IL15RA: variants seen among roughly 807,000 people sequenced by gnomAD.
IL15RA encodes the protein interleukin-15 receptor subunit alpha.
In IL15RA, 26 loss-of-function variants were observed where a neutral mutation model predicts 24.2. The observed-to-expected ratio is 1.07, with a 90% confidence interval of 0.79 to 1.49. The LOEUF (loss-of-function observed/expected upper bound fraction) is 1.49. IL15RA is among the 40% of genes most tolerant of loss of function. IL15RA has a pLI of 0.00. For missense variants in IL15RA, 354 were observed against 356.4 expected (o/e 0.99, Z 0.05); for synonymous variants, 166 against 157.6 (o/e 1.05, Z -0.40).
In IL15RA at chr10:5,965,916, T is replaced by C. The variant is rs1223498218; in HGVS notation, c.283+229A>G. Among the ~76,000 whole-genome samples the C allele has an allele frequency of 6.6e-6, 1 of 152,166 alleles. No homozygotes were observed. Among genetic ancestry groups the C allele is most frequent in the Non-Finnish European group, 1.5e-5 (1 of 68,034 alleles). ...TTGTATTTTTAGTAGAAACGGGGTT[T>C]CACCATGTTGGCCGGGCTGATCTGG... On this transcript the variant is annotated intron_variant, in intron 2 of 6. Coordinates refer to ENST00000379977, the MANE Select transcript of IL15RA (RefSeq NM_002189.4). This position sits in a 1 kb window ranked among gnomAD's most constrained non-coding sequence, Gnocchi z 5.8.
Position 5,965,081 on chromosome 10 carries a change from G to A in IL15RA, c.283+1064C>T, listed in dbSNP as rs568339297. 6.6e-5 allele frequency among the ~76,000 whole-genome samples: 10 copies of A among 152,308 alleles called. No individual in the cohort carries two copies. The highest frequency in any genetic ancestry group is 2.6e-4 in the Admixed American group (4 of 15,302). On this transcript the variant is annotated intron_variant, in intron 2 of 6. Transcript: ENST00000379977. The surrounding 1 kb of genome is among the most constrained non-coding windows in gnomAD (Gnocchi z 5.8). ...TGAGCTATGGGGCCGCTCCATGCAG[G>A]GGCGCGCTCATCCCTGCCCCAGAGA...
At chr10:5,950,325 G>A (rs375118703), downstream of IL15RA, among the ~76,000 whole-genome samples, 9 of 152,150 alleles carry the variant, frequency 5.9e-5, no homozygotes, top group South Asian at 1.2e-3. The surrounding 1 kb of genome is among the most constrained non-coding windows in gnomAD (Gnocchi z 5.6). Flanking sequence ...GTTGTTACAC[G>A]GGTATATTGT....
Position 5,965,482 on chromosome 10 carries a change from T to C in IL15RA, c.283+663A>G, listed in dbSNP as rs1474467618. ...CCAGCATCGTCTCAAATCAAAGCAC[T>C]ACATGTAATAAGAGTTAATATTTAC... On this transcript the variant is annotated intron_variant, in intron 2 of 6. Transcript: ENST00000379977. This position sits in a 1 kb window ranked among gnomAD's most constrained non-coding sequence, Gnocchi z 5.8. Among the ~76,000 whole-genome samples, 1 of 152,234 alleles carries C rather than the reference T, an allele frequency of 6.6e-6. No individual in the cohort carries two copies. Among genetic ancestry groups the C allele is most frequent in the East Asian group, 1.9e-4 (1 of 5,188 alleles).
chr10:5,963,942 C>T lies in IL15RA; in HGVS notation c.284-101G>A, dbSNP rs563353475. On this transcript the variant is annotated intron_variant, in intron 2 of 6. Transcript: ENST00000379977. This position sits in a 1 kb window ranked among gnomAD's most constrained non-coding sequence, Gnocchi z 5.3. ...TAAAATATATCAACACATGAACTTA[C>T]AGTGGAGGCCTCTGGCTTCCTCAGA... 1.4e-5 allele frequency: 10 copies of T among 695,346 alleles called. No homozygotes were observed. The highest frequency in any genetic ancestry group is 9.6e-5 in the African/African-American group (5 of 52,010). 43.1% of individuals were successfully genotyped at this position (695,346 alleles called of 1,614,324 possible). A position where few individuals can be genotyped will look rare whatever the true frequency, so the allele number is the denominator to read the frequency against.
chr10:5,977,622 C>A, upstream of IL15RA: 1 of 1,262,756 alleles, frequency 7.9e-7, no homozygotes. Context: ...GCTTTGGCCC[C>A]CGAGGGCTCG....
chr10:5,960,524 T>A lies in IL15RA; in HGVS notation c.426A>T (p.Thr142=). The change falls in exon 4 of 7, where the codon ACA becomes ACT. Residue 142 remains threonine, a synonymous_variant. Coordinates refer to ENST00000379977, the MANE Select transcript of IL15RA (RefSeq NM_002189.4). This position sits in a 1 kb window ranked among gnomAD's most constrained non-coding sequence, Gnocchi z 5.1. ...GGGAGCCCGGGACAATAGCTGCTGTTGTGGCCGCTGTGTTGTTTGAGCTGG... is the reference window on the plus strand; with the variant it reads ...GGGAGCCCGGGACAATAGCTGCTGTAGTGGCCGCTGTGTTGTTTGAGCTGG... ...SSPSSNNTAA[T]TAAIVPGSQL... 5 of 1,614,184 alleles carry A rather than the reference T, an allele frequency of 3.1e-6. No individual in the cohort carries two copies. Among genetic ancestry groups the A allele is most frequent in the Non-Finnish European group, 4.2e-6 (5 of 1,180,026 alleles).
Position 5,963,623 on chromosome 10 carries a change from C to T in IL15RA, c.382+120G>A, listed in dbSNP as rs181664110. On this transcript the variant is annotated intron_variant, in intron 3 of 6. Transcript: ENST00000379977. This position sits in a 1 kb window ranked among gnomAD's most constrained non-coding sequence, Gnocchi z 5.3. ...TATTCTTGATTGAATAAGACGTTTG[C>T]GCTATTGCCTAAGTCTGCAGTGGCA... is the stretch of plus-strand genomic sequence containing the variant. The T allele has an allele frequency of 4.3e-4, 226 of 529,512 alleles. 2 individuals carry two copies. Among genetic ancestry groups the T allele is most frequent in the East Asian group, 4.0e-3 (114 of 28,510 alleles). 32.8% of individuals were successfully genotyped at this position (529,512 alleles called of 1,614,324 possible).
At chr10:5,977,179 G>A (rs1051174090) in intron 1 of IL15RA, 4 of 346,142 alleles carry the variant, frequency 1.2e-5, no homozygotes, top group Non-Finnish European at 1.6e-5. Flanking sequence ...TTACGTGGGT[G>A]ACCCGGGCGC....
At position 5,965,909 on chromosome 10, in the gene IL15RA, C is replaced by T. The variant is rs936831873; in HGVS notation, c.283+236G>A. On this transcript the variant is annotated intron_variant, in intron 2 of 6. Transcript: ENST00000379977. The surrounding 1 kb of genome is among the most constrained non-coding windows in gnomAD (Gnocchi z 5.8). ...CTACTTTTTGTATTTTTAGTAGAAACGGGGTTTCACCATGTTGGCCGGGCT... is the reference window on the plus strand; with the variant it reads ...CTACTTTTTGTATTTTTAGTAGAAATGGGGTTTCACCATGTTGGCCGGGCT... Among the ~76,000 whole-genome samples, 2 of 152,182 alleles carry T rather than the reference C, an allele frequency of 1.3e-5. No individual in the cohort carries two copies. The highest frequency in any genetic ancestry group is 2.4e-5 in the African/African-American group (1 of 41,542).
intron 5 of IL15RA, among the ~76,000 whole-genome samples, chr10:5,956,846 C>T (rs1301371936): frequency 6.6e-6 from 1 of 152,184 alleles, no homozygotes; most frequent in East Asian, 1.9e-4. Flanking sequence ...AGGGACACAC[C>T]CCTCCTCTGC....
chr10:5,950,156 T>C (rs1998521), downstream of IL15RA, among the ~76,000 whole-genome samples: 88,604 of 151,726 alleles, frequency 0.58, 27,134 homozygotes, highest in African/African-American at 0.78. This position sits in a 1 kb window ranked among gnomAD's most constrained non-coding sequence, Gnocchi z 5.6. Context: ...AGGTGAAGAG[T>C]AATCCTTTTT....
At chr10:5,949,968 C>T (rs539169761), downstream of IL15RA, among the ~76,000 whole-genome samples, 10 of 152,008 alleles carry the variant, frequency 6.6e-5, no homozygotes, top group South Asian at 1.2e-3. The surrounding 1 kb of genome is among the most constrained non-coding windows in gnomAD (Gnocchi z 4.4). Flanking sequence ...TGGTGGTGTA[C>T]GCTTGTAATC....
In IL15RA at chr10:5,963,231, G is replaced by A. The variant is rs553570133; in HGVS notation, c.382+512C>T. 5.3e-5 allele frequency among the ~76,000 whole-genome samples: 8 copies of A among 152,298 alleles called. No homozygotes were observed. The East Asian group carries it at 9.7e-4, about 18-fold the overall frequency. ...GCCCATGACAAAACGCTTGGGTCTCGGAAGCCCAGGCTTCCTCTCCCACAG... is the reference window on the plus strand; with the variant it reads ...GCCCATGACAAAACGCTTGGGTCTCAGAAGCCCAGGCTTCCTCTCCCACAG... On this transcript the variant is annotated intron_variant, in intron 3 of 6. Transcript: ENST00000379977. The surrounding 1 kb of genome is among the most constrained non-coding windows in gnomAD (Gnocchi z 5.3).
chr10:5,969,073 T>C, intron 1 of IL15RA: 1 of 1,114,604 alleles, frequency 9.0e-7, no homozygotes. Context: ...CATCGATCTA[T>C]GTGTCTGTTT....
At chr10:5,950,698 C>G (rs1564477368), downstream of IL15RA, 3 of 152,312 alleles carry the variant, frequency 2.0e-5, no homozygotes, top group Admixed American at 6.5e-5. The surrounding 1 kb of genome is among the most constrained non-coding windows in gnomAD (Gnocchi z 5.6). Context: ...TCTGGACCAG[C>G]CTGTCAGGGG....
chr10:5,949,373 C>T (rs1450870741), downstream of IL15RA: 9 of 470,592 alleles, frequency 1.9e-5, no homozygotes, highest in Non-Finnish European at 3.1e-5. This position sits in a 1 kb window ranked among gnomAD's most constrained non-coding sequence, Gnocchi z 4.4. Flanking sequence ...TTAAATCCCC[C>T]GGTAATATAG....
Position 5,966,367 on chromosome 10 carries a change from G to A in IL15RA, c.89-28C>T. The A allele has an allele frequency of 1.3e-6, 2 of 1,582,518 alleles. No homozygotes were observed. The highest frequency in any genetic ancestry group is 1.7e-6 in the Non-Finnish European group (2 of 1,153,936). On this transcript the variant is annotated intron_variant, in intron 1 of 6. Transcript: ENST00000379977. This position sits in a 1 kb window ranked among gnomAD's most constrained non-coding sequence, Gnocchi z 6.4. ...GCGAAAGTGCAGAGGACAGGGGACG[G>A]TGAAGAGGTTTCCACTTGTAAGAGG...
Position 5,960,436 on chromosome 10 carries a change from G to C in IL15RA, c.514C>G (p.His172Asp). The change falls in exon 4 of 7, where the codon CAC becomes GAC. Residue 172 changes from histidine (H) to aspartate (D), a missense_variant. Transcript: ENST00000379977. This position sits in a 1 kb window ranked among gnomAD's most constrained non-coding sequence, Gnocchi z 5.1. ...GCTGTTGTCTGAGAGGGGGTGCCGT[G>C]GGAGGACTCATGACTGCTTATCTCT... Reference protein sequence around the residue: ...TTEISSHESSHGTPSQTTAKN... With the variant: ...TTEISSHESSDGTPSQTTAKN... 6.2e-7 allele frequency: 1 copy of C among 1,614,160 alleles called. No individual in the cohort carries two copies. Among genetic ancestry groups the C allele is most frequent in the South Asian group, 1.1e-5 (1 of 91,068 alleles).
At position 5,968,728 on chromosome 10, in the gene IL15RA, C is replaced by T. The variant is rs1348612453; in HGVS notation, c.89-2389G>A. Reference sequence around the variant, plus strand: ...CCTAAACCACAGAGTGTTATTTCTCCACACTTGCCCACCCCATCCTGCCCT... The same window carrying T: ...CCTAAACCACAGAGTGTTATTTCTCTACACTTGCCCACCCCATCCTGCCCT... On this transcript the variant is annotated intron_variant, in intron 1 of 6. Coordinates refer to ENST00000379977, the MANE Select transcript of IL15RA (RefSeq NM_002189.4). This position sits in a 1 kb window ranked among gnomAD's most constrained non-coding sequence, Gnocchi z 5.4. 2 of 701,466 alleles carry T rather than the reference C, an allele frequency of 2.9e-6. No homozygotes were observed. The highest frequency in any genetic ancestry group is 3.5e-5 in the African/African-American group (2 of 57,210). The allele number at this position is 701,466 out of a possible 1,614,324, so 43.5% of individuals were successfully genotyped here.
Sources: allele counts gnomAD v4.1 joint callset (sites outside exome capture counted in the v4.1 genomes callset), GRCh38; gene constraint gnomAD v4.1.1; non-coding constraint Gnocchi (gnomAD v3.1); transcripts MANE v1.5; gene names NCBI Gene and HGNC (gene_info 2026-07-23, HGNC 2026-07-21).